MAEL: variants seen among roughly 807,000 people sequenced by gnomAD.
The protein encoded by MAEL is maelstrom spermatogenic transposon silencer, also known as protein maelstrom homolog.
MAEL carries 46 observed loss-of-function variants against 62.0 expected under a neutral mutation model. The observed-to-expected ratio is 0.74, with a 90% CI of 0.59 to 0.95. MAEL has a LOEUF of 0.95. MAEL is among the 40% of genes least tolerant of loss of function. The pLI, the probability that MAEL is intolerant of heterozygous loss-of-function variation, is 0.00. For synonymous variants in MAEL, 172 were observed against 175.5 expected, an observed-to-expected ratio of 0.98 and a Z score of 0.16; for missense variants, 497 against 526.8, an observed-to-expected ratio of 0.94 and a Z score of 0.55.
chr1:167,007,247 A>G (rs1268094310), intron 8 of MAEL, among the ~76,000 whole-genome samples: 2 of 151,318 alleles, frequency 1.3e-5, no homozygotes, highest in African/African-American at 4.9e-5. Context: ...ATTTATTTTT[A>G]TGATCAAATT....
rs180804494 is a variant in MAEL at position 167,003,690 on chromosome 1, G to T, written c.524-490G>T. ...CCATTAATTCCTTAATGCTCTATGT[G>T]ATCTTAATATCCTCACGCTTTTTTA... On this transcript the variant is annotated intron_variant, in intron 5 of 11. Coordinates refer to ENST00000367872, the MANE Select transcript of MAEL (RefSeq NM_032858.3). 1.4e-4 allele frequency among the ~76,000 whole-genome samples: 22 copies of T among 152,282 alleles called. No homozygotes were observed. In the East Asian group the frequency reaches 4.2e-3, roughly 29 times the overall value.
At position 167,017,952 on chromosome 1, in the gene MAEL, G is replaced by A. The variant is rs758985256; in HGVS notation, c.1034G>A (p.Arg345His). The change falls in exon 10 of 12, where the codon CGT (arginine) becomes CAT (histidine). Residue 345 changes from arginine to histidine, a missense_variant. By Grantham distance (29) the Arg-to-His change is conservative. Coordinates refer to ENST00000367872, the MANE Select transcript of MAEL (RefSeq NM_032858.3). ...AAAATGGTTGTATTGGATGCAGGGC[G>A]TTACCAGGTAAGGAACTGACTTTTA... ...TPKMVVLDAGRYQKLRVGSSG... is the reference protein window; with the variant it reads ...TPKMVVLDAGHYQKLRVGSSG... The A allele has an allele frequency of 9.9e-6, 16 of 1,612,530 alleles. No individual in the cohort carries two copies. Among genetic ancestry groups the A allele is most frequent in the Non-Finnish European group, 1.1e-5 (13 of 1,179,088 alleles).
chr1:166,991,142 A>C lies in MAEL; in HGVS notation c.226-236A>C, dbSNP rs940853478. Among the ~76,000 whole-genome samples the C allele has an allele frequency of 3.3e-5, 5 of 152,184 alleles. 1 individual carries two copies. Among genetic ancestry groups the C allele is most frequent in the Admixed American group, 6.5e-5 (1 of 15,276 alleles). ...ACCTTGGATAATCAGTAGTGGGCAA[A>C]ATGGCTTTCAGTAGTAGTGGCATTG... On this transcript the variant is annotated intron_variant, in intron 2 of 11. Coordinates refer to ENST00000367872, the MANE Select transcript of MAEL (RefSeq NM_032858.3).
intron 5 of MAEL, 40 bp downstream of exon 5, chr1:166,994,109 C>T (rs41269704): frequency 0.015 from 22,408 of 1,527,808 alleles, 208 homozygotes; most frequent in Non-Finnish European, 0.017. Flanking sequence ...TGACTTGAAT[C>T]TATTCATACC....
chr1:167,007,782 T>G (rs979449901), intron 8 of MAEL, among the ~76,000 whole-genome samples: 2 of 152,126 alleles, frequency 1.3e-5, no homozygotes, highest in African/African-American at 4.8e-5. Flanking sequence ...GCTGTCAGTA[T>G]TTTTTAGAAT....
intron 8 of MAEL, among the ~76,000 whole-genome samples, chr1:167,010,478 C>T (rs1232864584): frequency 6.6e-6 from 1 of 151,936 alleles, no homozygotes; most frequent in African/African-American, 2.4e-5. Context: ...GAGAGTCTTG[C>T]TCTGTCACCC....
chr1:167,001,938 G>A (rs900358580), intron 5 of MAEL, among the ~76,000 whole-genome samples: 22 of 152,046 alleles, frequency 1.4e-4, no homozygotes, highest in Admixed American at 5.9e-4. Flanking sequence ...CACGTCACAC[G>A]CCCAGCTAAT....
At chr1:166,984,240 A>G (rs956746451), upstream of MAEL, among the ~76,000 whole-genome samples, 15 of 152,160 alleles carry the variant, frequency 9.9e-5, no homozygotes, top group African/African-American at 3.1e-4. Context: ...CCAAAATACA[A>G]TTTGAGCCCA....
chr1:167,014,070 A>T (rs925151242), intron 8 of MAEL, among the ~76,000 whole-genome samples: 2 of 152,174 alleles, frequency 1.3e-5, no homozygotes, highest in African/African-American at 4.8e-5. Flanking sequence ...AGCACTGAAG[A>T]CTGTGACTTC....
At chr1:167,008,968 A>G (rs1435067064) in intron 8 of MAEL, among the ~76,000 whole-genome samples, 2 of 151,870 alleles carry the variant, frequency 1.3e-5, no homozygotes, top group East Asian at 1.9e-4. Flanking sequence ...GACTTAATAT[A>G]TAATCAATTT....
In MAEL at chr1:167,021,913, C is replaced by T; in HGVS notation, c.*58C>T. 2.7e-6 allele frequency: 3 copies of T among 1,125,966 alleles called. No homozygotes were observed. Among genetic ancestry groups the T allele is most frequent in the Non-Finnish European group, 3.9e-6 (3 of 766,820 alleles). The allele number at this position is 1,125,966 out of a possible 1,614,324, so 69.7% of individuals were successfully genotyped here. A position where few individuals can be genotyped will look rare whatever the true frequency, so the allele number is the denominator to read the frequency against. On this transcript the variant is annotated 3_prime_UTR_variant, in exon 12 of 12. Coordinates refer to ENST00000367872, the MANE Select transcript of MAEL (RefSeq NM_032858.3). ...AACAGGCCCAACTTCCTTCTTACTA[C>T]AGTCATATTAAACAGATCACATCAA...
At chr1:167,012,674 C>T (rs972714104) in intron 8 of MAEL, among the ~76,000 whole-genome samples, 2 of 152,176 alleles carry the variant, frequency 1.3e-5, no homozygotes, top group African/African-American at 4.8e-5. Context: ...GAAAAGTAGA[C>T]CACTTTATAG....
intron 1 of MAEL, among the ~76,000 whole-genome samples, chr1:166,977,881 G>A (rs1557965989): frequency 1.3e-5 from 2 of 152,204 alleles, no homozygotes; most frequent in African/African-American, 4.8e-5. Flanking sequence ...AACCTGGGAG[G>A]TTGAGGCTGC....
intron 5 of MAEL, among the ~76,000 whole-genome samples, chr1:167,000,622 G>GT (rs1362146437): frequency 6.6e-6 from 1 of 152,220 alleles, no homozygotes; most frequent in East Asian, 1.9e-4. Context: ...TGAGTAAAAT[G>GT]TTATCAAACA....
chr1:167,009,277 C>G (rs575477447), intron 8 of MAEL, among the ~76,000 whole-genome samples: 1 of 152,234 alleles, frequency 6.6e-6, no homozygotes, highest in African/African-American at 2.4e-5. Flanking sequence ...AGAGTATTCC[C>G]TGTGTTCTTG....
intron 5 of MAEL, among the ~76,000 whole-genome samples, chr1:167,002,276 A>G (rs1373631943): frequency 6.6e-6 from 1 of 152,172 alleles, no homozygotes; most frequent in Non-Finnish European, 1.5e-5. Flanking sequence ...GGGTTTGGGA[A>G]TAGATTTTAA....
upstream of MAEL, among the ~76,000 whole-genome samples, chr1:166,987,103 T>A (rs1420890758): frequency 6.6e-6 from 1 of 152,128 alleles, no homozygotes; most frequent in Non-Finnish European, 1.5e-5. Context: ...TTGACAAATA[T>A]ATACTACTAA....
At chr1:167,017,307 A>C (rs989141515) in intron 9 of MAEL, among the ~76,000 whole-genome samples, 2 of 152,168 alleles carry the variant, frequency 1.3e-5, no homozygotes, top group Non-Finnish European at 2.9e-5. Flanking sequence ...GGTTTTGTAC[A>C]TCATATTACT....
At chr1:167,010,199 G>A (rs1665109606) in intron 8 of MAEL, among the ~76,000 whole-genome samples, 4 of 152,092 alleles carry the variant, frequency 2.6e-5, no homozygotes, top group Admixed American at 2.6e-4. Flanking sequence ...GAAGAAGGTG[G>A]CTGCTTCTCC....
Sources: gnomAD v4.1 joint callset for allele counts (sites outside exome capture counted in the v4.1 genomes callset) on GRCh38, gnomAD v4.1.1 for gene constraint, MANE v1.5 for transcripts, NCBI Gene and HGNC (gene_info 2026-07-23, HGNC 2026-07-21) for gene names.